The following RNFT2 variants were observed in gnomAD, a reference collection of about 807,000 sequenced individuals.
RNFT2 encodes E3 ubiquitin-protein ligase RNFT2.
A neutral mutation model predicts 53.0 loss-of-function variants in RNFT2; 36 were observed. That is an observed-to-expected ratio of 0.68 (90% confidence interval 0.52 to 0.90). The LOEUF (loss-of-function observed/expected upper bound fraction) is 0.90. RNFT2 is among the 40% of genes least tolerant of loss of function. The pLI, the probability that RNFT2 is intolerant of heterozygous loss-of-function variation, is 0.00. For missense variants in RNFT2, 514 were observed against 585.6 expected, an observed-to-expected ratio of 0.88 and a Z score of 1.26; for synonymous variants, 260 against 253.2, an observed-to-expected ratio of 1.03 and a Z score of -0.26.
At chr12:116,760,978 A>T (rs541740936) in intron 5 of RNFT2, among the ~76,000 whole-genome samples, 1 of 152,158 alleles carries the variant, frequency 6.6e-6, no homozygotes, top group Non-Finnish European at 1.5e-5. Flanking sequence ...TCCCGGATTC[A>T]AGCAATCCTC....
intron 7 of RNFT2, among the ~76,000 whole-genome samples, chr12:116,790,945 A>G (rs1201272569): frequency 6.6e-6 from 1 of 152,256 alleles, no homozygotes; most frequent in East Asian, 1.9e-4. Context: ...TAGGCAACAG[A>G]GGGAGACCCT....
chr12:116,771,499 G>GTATATATATATATATATA (rs1238490788), intron 6 of RNFT2, among the ~76,000 whole-genome samples: 1 of 13,762 alleles, frequency 7.3e-5, no homozygotes, highest in Non-Finnish European at 2.0e-4. Flanking sequence ...AAAAAAATAC[G>GTATATATATATATATATA]TATATGAGCA....
intron 1 of RNFT2, 21 bp from the exon 2 acceptor site, chr12:116,740,324 C>T: frequency 1.6e-6 from 1 of 615,278 alleles, no homozygotes. Flanking sequence ...ACTGTTCATC[C>T]AGGTGTTCTG....
chr12:116,751,012 G>T (rs1487509110), intron 4 of RNFT2, among the ~76,000 whole-genome samples: 6 of 149,158 alleles, frequency 4.0e-5, no homozygotes, highest in African/African-American at 1.0e-4. Context: ...TGCCTCCCAG[G>T]TTGGTTATCC....
Position 116,787,741 on chromosome 12 carries a change from T to C in RNFT2, c.882+8393T>C, listed in dbSNP as rs139369953. Among the ~76,000 whole-genome samples the C allele has an allele frequency of 7.3e-5, 11 of 150,524 alleles. No individual in the cohort carries two copies. In the East Asian group the frequency reaches 1.6e-3, roughly 21 times the overall value. On this transcript the variant is annotated intron_variant, in intron 7 of 10. Transcript: ENST00000257575. ...AAGAAAAAAAAAAAAAAAGATATAA[T>C]GTGTATAATGTGTGTATGAAGAGTT...
chr12:116,742,680 C>T (rs1044096440), intron 3 of RNFT2, among the ~76,000 whole-genome samples: 4 of 152,230 alleles, frequency 2.6e-5, no homozygotes, highest in East Asian at 1.9e-4. Flanking sequence ...CAGTGACTCA[C>T]GCCTGTAATC....
At position 116,849,310 on chromosome 12, in the gene RNFT2, G is replaced by A. The variant is rs763333254; in HGVS notation, c.1201-4G>A. ...CTGGTGCCTGCTGATTGCTGTCCCC[G>A]CAGCACGTGTTCTGTGAGGAGTGCC... On this transcript the variant is annotated splice_polypyrimidine_tract_variant and splice_region_variant and intron_variant, in intron 10 of 10. Transcript: ENST00000257575. The A allele has an allele frequency of 3.1e-5, 47 of 1,534,832 alleles. 1 individual carries two copies. The highest frequency in any genetic ancestry group is 2.5e-4 in the African/African-American group (18 of 72,904).
chr12:116,744,945 C>A (rs2137065181), intron 3 of RNFT2, among the ~76,000 whole-genome samples: 1 of 152,154 alleles, frequency 6.6e-6, no homozygotes, highest in Middle Eastern at 3.4e-3. Context: ...TGGGTACCTG[C>A]CAGGGCTCTT....
At chr12:116,755,976 T>C (rs912331435) in intron 5 of RNFT2, 4 of 745,022 alleles carry the variant, frequency 5.4e-6, no homozygotes, top group Non-Finnish European at 9.3e-6. Flanking sequence ...GGCCTTATAG[T>C]ATAGGTTGAA....
At chr12:116,815,474 C>A (rs1431690113) in intron 7 of RNFT2, among the ~76,000 whole-genome samples, 10 of 152,156 alleles carry the variant, frequency 6.6e-5, no homozygotes, top group Admixed American at 6.5e-4. Flanking sequence ...TCTTTTCTAG[C>A]TTCTAGAAGC....
At chr12:116,828,605 G>C (rs149431950) in intron 7 of RNFT2, among the ~76,000 whole-genome samples, 5 of 152,236 alleles carry the variant, frequency 3.3e-5, no homozygotes, top group African/African-American at 1.2e-4. Context: ...ACCTGGCATT[G>C]TGTCTGGTGC....
chr12:116,742,265 C>CTTTTT (rs769733957), intron 3 of RNFT2, among the ~76,000 whole-genome samples: 3 of 112,214 alleles, frequency 2.7e-5, no homozygotes, highest in Non-Finnish European at 3.8e-5. Context: ...GAGGTGGTTT[C>CTTTTT]TTTTTTTTTT....
At chr12:116,848,390 G>A (rs549552130) in intron 10 of RNFT2, among the ~76,000 whole-genome samples, 9 of 152,156 alleles carry the variant, frequency 5.9e-5, no homozygotes, top group Admixed American at 1.3e-4. Flanking sequence ...CCTAGAAGGC[G>A]GAGGGATCGC....
intron 7 of RNFT2, among the ~76,000 whole-genome samples, chr12:116,823,017 A>G (rs894674709): frequency 2.6e-5 from 4 of 152,170 alleles, no homozygotes; most frequent in South Asian, 2.1e-4. Flanking sequence ...AAACGAAAAG[A>G]CAAAAGGAAA....
intron 6 of RNFT2, among the ~76,000 whole-genome samples, chr12:116,768,727 T>C (rs1015769137): frequency 1.4e-5 from 2 of 147,688 alleles, no homozygotes; most frequent in Non-Finnish European, 2.9e-5. Context: ...TTTTTTTATT[T>C]TTCTCTCTCT....
chr12:116,827,036 AT>A (rs946349995), intron 7 of RNFT2, among the ~76,000 whole-genome samples: 7 of 152,094 alleles, frequency 4.6e-5, no homozygotes, highest in African/African-American at 1.7e-4. Flanking sequence ...CCTGGGCAAC[AT>A]GGTGAAACCC....
At position 116,852,725 on chromosome 12, in the gene RNFT2, G is replaced by C; in HGVS notation, c.*3277G>C. 1 of 1,612,124 alleles carries C rather than the reference G, an allele frequency of 6.2e-7. No homozygotes were observed. Among genetic ancestry groups the C allele is most frequent in the Non-Finnish European group, 8.5e-7 (1 of 1,178,208 alleles). On this transcript the variant is annotated 3_prime_UTR_variant, in exon 11 of 11. Transcript: ENST00000257575. ...TGCAGGTGTGTAAGGAAATAGAACA[G>C]TCTGCTGGGAGTCAGACCTGGAATT...
Position 116,851,865 on chromosome 12 carries a change from T to A in RNFT2, c.*2417T>A. ...GTCTCCTGTCTTTATGTCTTTCTCC[T>A]CTTCCTATTCTGTCATCTCCCTCAC... On this transcript the variant is annotated 3_prime_UTR_variant, in exon 11 of 11. Transcript: ENST00000257575. 2 of 1,528,016 alleles carry A rather than the reference T, an allele frequency of 1.3e-6. No homozygotes were observed. The highest frequency in any genetic ancestry group is 2.4e-5 in the South Asian group (2 of 83,916). The allele number at this position is 1,528,016 out of a possible 1,614,324, so 94.7% of individuals were successfully genotyped here.
At position 116,849,496 on chromosome 12, in the gene RNFT2, C is replaced by T. The variant is rs761005964; in HGVS notation, c.*48C>T. ...GAAGGACGCCAAGGGTCAGCATGCCCGGACCCAGCCCTGCGGGGGCTTCCT... is the reference window on the plus strand; with the variant it reads ...GAAGGACGCCAAGGGTCAGCATGCCTGGACCCAGCCCTGCGGGGGCTTCCT... On this transcript the variant is annotated 3_prime_UTR_variant, in exon 11 of 11. Transcript: ENST00000257575. 8.4e-6 allele frequency: 13 copies of T among 1,541,242 alleles called. No individual in the cohort carries two copies. The highest frequency in any genetic ancestry group is 2.4e-5 in the South Asian group (2 of 84,218).
Sources: allele counts gnomAD v4.1 joint callset (sites outside exome capture counted in the v4.1 genomes callset), GRCh38; gene constraint gnomAD v4.1.1; transcripts MANE v1.5; gene names NCBI Gene and HGNC (gene_info 2026-07-23, HGNC 2026-07-21).